Variants in CCL17 observed in about 807,000 individuals in gnomAD.
CCL17 encodes C-C motif chemokine 17.
Under a neutral mutation model 7.4 loss-of-function variants are expected in CCL17, and 8 were observed. That is an observed-to-expected ratio of 1.09 (90% CI 0.64 to 1.96). CCL17 has a LOEUF of 1.96. Ranked by LOEUF, CCL17 falls within the 30% of genes most tolerant of loss-of-function variation. The probability of loss-of-function intolerance (pLI) is 0.00; values close to 1 mark genes in which losing one functional copy is unlikely to be tolerated. For synonymous variants in CCL17, 40 were observed against 46.1 expected, an observed-to-expected ratio of 0.87 and a Z score of 0.54; for missense variants, 102 against 113.0, an observed-to-expected ratio of 0.90 and a Z score of 0.44.
At chr16:57,414,965 A>C (rs1598014636) in intron 2 of CCL17, 116 bp from the exon 3 acceptor site, 2 of 729,536 alleles carry the variant, frequency 2.7e-6, no homozygotes, top group Non-Finnish European at 5.0e-6. Context: ...CAGTCATCAC[A>C]CACAGATGCA....
At chr16:57,406,569 C>G (rs199906197) in intron 1 of CCL17, among the ~76,000 whole-genome samples, 1 of 152,094 alleles carries the variant, frequency 6.6e-6, no homozygotes, top group East Asian at 1.9e-4. Context: ...ATAGTGAGAG[C>G]TCAGGGACAT....
intron 1 of CCL17, among the ~76,000 whole-genome samples, chr16:57,405,200 G>A (rs1435287562): frequency 1.3e-5 from 2 of 152,164 alleles, no homozygotes; most frequent in African/African-American, 4.8e-5. Context: ...CAGCCCTTGT[G>A]AAAGATCCAC....
chr16:57,408,158 T>C (rs1902727311), intron 1 of CCL17, among the ~76,000 whole-genome samples: 2 of 151,890 alleles, frequency 1.3e-5, no homozygotes, highest in South Asian at 4.2e-4. Context: ...TATCTATTTA[T>C]CCTTTCACCA....
the CCL17 span, among the ~76,000 whole-genome samples, chr16:57,398,184 A>G: frequency 6.6e-6 from 1 of 152,236 alleles, no homozygotes; most frequent in Non-Finnish European, 1.5e-5. Context: ...TGAGTAGTCC[A>G]GATGGTGAAA....
At chr16:57,408,227 A>G (rs924507247) in intron 1 of CCL17, among the ~76,000 whole-genome samples, 4 of 151,006 alleles carry the variant, frequency 2.6e-5, no homozygotes, top group Admixed American at 6.6e-5. Context: ...CCATTTATCT[A>G]CCATCCATCC....
chr16:57,411,713 C>T (rs1268069689), intron 1 of CCL17, among the ~76,000 whole-genome samples: 8 of 152,270 alleles, frequency 5.3e-5, no homozygotes, highest in East Asian at 1.9e-4. Flanking sequence ...TCGGCGGAGG[C>T]GCCCCTTCCT....
chr16:57,403,606 T>A (rs181714085), upstream of CCL17, among the ~76,000 whole-genome samples: 81 of 74,928 alleles, frequency 1.1e-3, 3 homozygotes, highest in Admixed American at 0.016. Context: ...ATAATATATA[T>A]AATATATATT....
upstream of CCL17, among the ~76,000 whole-genome samples, chr16:57,403,512 TATA>T (rs1226430576): frequency 0.018 from 472 of 26,908 alleles, 98 homozygotes; most frequent in African/African-American, 0.12. Context: ...ATATATATAT[TATA>T]TTATATATAT....
upstream of CCL17, among the ~76,000 whole-genome samples, chr16:57,402,396 T>G (rs567372738): frequency 3.3e-5 from 5 of 152,314 alleles, no homozygotes; most frequent in East Asian, 9.6e-4. Context: ...TGCTGGGTGC[T>G]TGTCACTGAC....
upstream of CCL17, among the ~76,000 whole-genome samples, chr16:57,403,402 TTATAA>T (rs1902628191): frequency 8.1e-4 from 18 of 22,276 alleles, 1 homozygote; most frequent in Middle Eastern, 0.038. Context: ...AATATATATA[TTATAA>T]TATATATATT....
At chr16:57,397,883 C>A in the CCL17 span, among the ~76,000 whole-genome samples, 1 of 152,142 alleles carries the variant, frequency 6.6e-6, no homozygotes, top group Non-Finnish European at 1.5e-5. Flanking sequence ...ATAACCTGCC[C>A]TTTGTATCCC....
At chr16:57,396,697 C>T in the CCL17 span, among the ~76,000 whole-genome samples, 3 of 152,206 alleles carry the variant, frequency 2.0e-5, no homozygotes, top group East Asian at 5.8e-4. Context: ...CTCTGAGAAG[C>T]GGACAAGCCA....
chr16:57,409,205 G>A (rs890466193), intron 1 of CCL17, among the ~76,000 whole-genome samples: 20 of 152,220 alleles, frequency 1.3e-4, no homozygotes, highest in African/African-American at 4.3e-4. Flanking sequence ...GAAGGAAGGA[G>A]TAAGGGTTCA....
At chr16:57,405,352 C>T (rs1399233822) in intron 1 of CCL17, among the ~76,000 whole-genome samples, 2 of 152,160 alleles carry the variant, frequency 1.3e-5, no homozygotes, top group African/African-American at 4.8e-5. Flanking sequence ...GGAAGCCAAG[C>T]TCCCACTGAA....
At chr16:57,403,468 A>G (rs1324594327), upstream of CCL17, among the ~76,000 whole-genome samples, 5 of 1,994 alleles carry the variant, frequency 2.5e-3, no homozygotes, top group African/African-American at 3.4e-3. Context: ...TATATATTAT[A>G]TTATATATAT....
chr16:57,397,119 G>A, the CCL17 span, among the ~76,000 whole-genome samples: 3 of 152,292 alleles, frequency 2.0e-5, no homozygotes, highest in East Asian at 1.9e-4. Context: ...TATGAGAGAC[G>A]TCTAACTGCC....
rs188123255 is a variant in CCL17 at position 57,407,897 on chromosome 16, G to T, written c.-60+3061G>T. On this transcript the variant is annotated intron_variant, in intron 1 of 3. Transcript: ENST00000219244. ...CATCTACACATCCATCTACCCATCC[G>T]TTCATCCATTCATCTACCCATCCAT... Among the ~76,000 whole-genome samples, 245 of 146,234 alleles carry T rather than the reference G, an allele frequency of 1.7e-3. 2 individuals are homozygous for T. The South Asian group carries it at 0.026, about 16-fold the overall frequency.
chr16:57,404,073 G>C (rs967745681), upstream of CCL17, among the ~76,000 whole-genome samples: 1 of 152,182 alleles, frequency 6.6e-6, no homozygotes, highest in African/African-American at 2.4e-5. Context: ...TGTCTGGTTG[G>C]TTTGAGGCAT....
At chr16:57,403,378 C>A (rs1330969008), upstream of CCL17, among the ~76,000 whole-genome samples, 1 of 17,710 alleles carries the variant, frequency 5.6e-5, no homozygotes, top group Non-Finnish European at 7.9e-5. Context: ...ATATATATAA[C>A]ATATATTATA....
Sources: gnomAD v4.1 joint callset for allele counts (sites outside exome capture counted in the v4.1 genomes callset) on GRCh38, gnomAD v4.1.1 for gene constraint, MANE v1.5 for transcripts, NCBI Gene and HGNC (gene_info 2026-07-23, HGNC 2026-07-21) for gene names.